ZCCHC7: variants seen among roughly 807,000 people sequenced by gnomAD.
ZCCHC7 encodes zinc finger CCHC-type containing 7.
Under a neutral mutation model 52.0 loss-of-function variants are expected in ZCCHC7, and 35 were observed. That is an observed-to-expected ratio of 0.67 (90% CI 0.51 to 0.89). The LOEUF (loss-of-function observed/expected upper bound fraction) is 0.89. ZCCHC7 is among the 40% of genes least tolerant of loss of function. The probability of loss-of-function intolerance (pLI) is 0.00; values close to 1 mark genes in which losing one functional copy is unlikely to be tolerated. For synonymous variants in ZCCHC7, 217 were observed against 221.5 expected (o/e 0.98, Z 0.18); for missense variants, 574 against 649.1 (o/e 0.88, Z 1.26).
intron 2 of ZCCHC7, among the ~76,000 whole-genome samples, chr9:37,171,044 T>G (rs1048153338): frequency 2.0e-5 from 3 of 152,230 alleles, no homozygotes; most frequent in African/African-American, 4.8e-5. Context: ...TGTCCTGGGT[T>G]GAAGCAATTG....
intron 2 of ZCCHC7, among the ~76,000 whole-genome samples, chr9:37,169,458 T>C (rs898528136): frequency 2.7e-5 from 4 of 149,982 alleles, no homozygotes; most frequent in African/African-American, 9.7e-5. Flanking sequence ...TTTTTTTCTT[T>C]TGCAAACTAG....
chr9:37,207,826 A>G (rs200907749), intron 2 of ZCCHC7, among the ~76,000 whole-genome samples: 6 of 151,620 alleles, frequency 4.0e-5, no homozygotes, highest in African/African-American at 1.5e-4. Flanking sequence ...AATAATTTCT[A>G]TTTCTCTGGT....
At chr9:37,133,518 G>A (rs968288287) in intron 2 of ZCCHC7, among the ~76,000 whole-genome samples, 2 of 151,504 alleles carry the variant, frequency 1.3e-5, no homozygotes, top group South Asian at 2.1e-4. Context: ...TGCGAATGCA[G>A]GTACCTGCCA....
chr9:37,147,452 G>C (rs1843484456), intron 2 of ZCCHC7: 1 of 151,744 alleles, frequency 6.6e-6, no homozygotes, highest in Non-Finnish European at 1.5e-5. Flanking sequence ...ATAGGTGGGT[G>C]TATCTTATTA....
chr9:37,161,214 G>T (rs548910556), intron 2 of ZCCHC7, among the ~76,000 whole-genome samples: 19 of 152,136 alleles, frequency 1.2e-4, no homozygotes, highest in African/African-American at 4.3e-4. Context: ...CTTCCAAAGT[G>T]CTGGGATTAC....
intron 2 of ZCCHC7, among the ~76,000 whole-genome samples, chr9:37,174,148 C>T (rs981295909): frequency 2.0e-5 from 3 of 151,816 alleles, no homozygotes; most frequent in Admixed American, 1.3e-4. Context: ...CCCATCTCTA[C>T]GAAAAATACA....
At chr9:37,171,859 T>C (rs1821747247) in intron 2 of ZCCHC7, among the ~76,000 whole-genome samples, 1 of 152,204 alleles carries the variant, frequency 6.6e-6, no homozygotes, top group Non-Finnish European at 1.5e-5. Flanking sequence ...TATATTTGAG[T>C]AAGAGGAATG....
intron 1 of ZCCHC7, among the ~76,000 whole-genome samples, chr9:37,123,446 G>A (rs1365117323): frequency 1.3e-5 from 2 of 152,076 alleles, no homozygotes; most frequent in African/African-American, 4.8e-5. Context: ...AGGCCATAGG[G>A]GCTAAATTGT....
At chr9:37,186,726 C>G (rs1822678949) in intron 2 of ZCCHC7, 1 of 589,618 alleles carries the variant, frequency 1.7e-6, no homozygotes, top group East Asian at 3.0e-5. Context: ...AGAATAAAAT[C>G]TTTATGAACT....
chr9:37,292,383 G>A (rs1240744078), intron 2 of ZCCHC7, among the ~76,000 whole-genome samples: 1 of 152,134 alleles, frequency 6.6e-6, no homozygotes, highest in Non-Finnish European at 1.5e-5. Context: ...AGGGTAGTAG[G>A]TAGACTTTTT....
In ZCCHC7 at chr9:37,120,624, G is replaced by A. The variant is rs966985974; in HGVS notation, c.-22+1G>A. 2.5e-6 allele frequency: 1 copy of A among 397,420 alleles called. No homozygotes were observed. The highest frequency in any genetic ancestry group is 4.4e-6 in the Non-Finnish European group (1 of 225,016). The allele number at this position is 397,420 out of a possible 1,614,324, so 24.6% of individuals were successfully genotyped here. A position where few individuals can be genotyped will look rare whatever the true frequency, so the allele number is the denominator to read the frequency against. On this transcript the variant is annotated splice_donor_variant, in intron 1 of 8. Transcript: ENST00000336755. LOFTEE classifies it low-confidence loss of function (5UTR_SPLICE). ...GTGCTTCCTGTTCGCAGCTGCGGCA[G>A]TGAGTATGTGTGTGACGGACCCCCG...
At chr9:37,170,738 GAC>G (rs577722937) in intron 2 of ZCCHC7, among the ~76,000 whole-genome samples, 94 of 152,196 alleles carry the variant, frequency 6.2e-4, no homozygotes, top group African/African-American at 2.2e-3. Context: ...CTACTCTAAT[GAC>G]ACAATTTCTG....
chr9:37,261,683 CTACTT>C (rs370241457), intron 2 of ZCCHC7, among the ~76,000 whole-genome samples: 183 of 152,280 alleles, frequency 1.2e-3, no homozygotes, highest in African/African-American at 4.2e-3. Context: ...CTTGGAAGTA[CTACTT>C]TAAACTTCAA....
At chr9:37,247,666 G>A (rs1826136526) in intron 2 of ZCCHC7, among the ~76,000 whole-genome samples, 1 of 152,062 alleles carries the variant, frequency 6.6e-6, no homozygotes, top group African/African-American at 2.4e-5. Flanking sequence ...CAGCACTTTG[G>A]GAAGGGCCAA....
chr9:37,222,328 A>AGTGT (rs74182938), intron 2 of ZCCHC7, among the ~76,000 whole-genome samples: 5,328 of 132,972 alleles, frequency 0.04, 105 homozygotes, highest in East Asian at 0.077. Context: ...AGAATAACAG[A>AGTGT]GTGTGTGTGT....
intron 7 of ZCCHC7, among the ~76,000 whole-genome samples, chr9:37,350,215 A>G (rs1391291413): frequency 5.0e-5 from 6 of 119,996 alleles, no homozygotes; most frequent in Non-Finnish European, 1.0e-4. Flanking sequence ...TGCAACTTCC[A>G]CCTCCTGGGT....
chr9:37,295,070 C>T (rs1218024755), intron 2 of ZCCHC7, among the ~76,000 whole-genome samples: 2 of 152,130 alleles, frequency 1.3e-5, no homozygotes, highest in Non-Finnish European at 2.9e-5. Flanking sequence ...AGAAATTACA[C>T]AGTTAAGTCC....
intron 2 of ZCCHC7, among the ~76,000 whole-genome samples, chr9:37,216,767 T>G (rs949478132): frequency 2.0e-5 from 3 of 152,220 alleles, no homozygotes; most frequent in African/African-American, 7.2e-5. Flanking sequence ...AATTTTCTAT[T>G]AAGACATTTC....
chr9:37,197,127 A>G (rs1823330061), intron 2 of ZCCHC7, among the ~76,000 whole-genome samples: 1 of 152,216 alleles, frequency 6.6e-6, no homozygotes, highest in South Asian at 2.1e-4. Flanking sequence ...ATCCAGAATG[A>G]TAATCAAAGC....
Sources: gnomAD v4.1 joint callset for allele counts (sites outside exome capture counted in the v4.1 genomes callset) on GRCh38, gnomAD v4.1.1 for gene constraint, MANE v1.5 for transcripts, NCBI Gene and HGNC (gene_info 2026-07-23, HGNC 2026-07-21) for gene names.